MSH3: variants seen among roughly 807,000 people sequenced by gnomAD.
The protein encoded by MSH3 is DNA mismatch repair protein Msh3.
Under a neutral mutation model 123.3 loss-of-function variants are expected in MSH3, and 106 were observed. The ratio of observed to expected loss-of-function variants is 0.86; its 90% CI spans 0.73 to 1.01. MSH3 has a LOEUF of 1.01. Among genes scored for constraint, MSH3 ranks in the 50% least tolerant of loss-of-function variants. The probability of loss-of-function intolerance (pLI) is 0.00; values close to 1 mark genes in which losing one functional copy is unlikely to be tolerated. For synonymous variants in MSH3, 515 were observed against 481.4 expected, an observed-to-expected ratio of 1.07 and a Z score of -0.91; for missense variants, 1,459 against 1,347.6, an observed-to-expected ratio of 1.08 and a Z score of -1.29.
intron 21 of MSH3, among the ~76,000 whole-genome samples, chr5:80,857,958 T>C (rs1419953454): frequency 6.6e-6 from 1 of 152,132 alleles, no homozygotes; most frequent in Non-Finnish European, 1.5e-5. Context: ...TGTCCTAAGA[T>C]AGAAGCTTAG....
intron 3 of MSH3, among the ~76,000 whole-genome samples, chr5:80,668,607 G>A (rs10474634): frequency 0.11 from 16,605 of 152,266 alleles, 1,025 homozygotes; most frequent in African/African-American, 0.17. Context: ...CCTTAACTTT[G>A]AGATCAGAGT....
At position 80,728,877 on chromosome 5, in the gene MSH3, A is replaced by G. The variant is rs778563277; in HGVS notation, c.1480A>G (p.Asn494Asp). 2 of 1,606,942 alleles carry G rather than the reference A, an allele frequency of 1.2e-6. No homozygotes were observed. The highest frequency in any genetic ancestry group is 1.7e-6 in the Non-Finnish European group (2 of 1,173,986). The part of the protein sequence containing the change: ...KGSQIISGIV[N>D]LEKPVICSLA... Reference sequence around the variant, plus strand: ...TTCTCAAATTATTTCTGGCATTGTTAACTTAGAGAAGCCTGTGATTTGCTC... The same window carrying G: ...TTCTCAAATTATTTCTGGCATTGTTGACTTAGAGAAGCCTGTGATTTGCTC... The change falls in exon 10 of 24, where the codon AAC (asparagine) becomes GAC (aspartate). Residue 494 changes from asparagine (N) to aspartate (D), a missense_variant. By Grantham distance (23) the Asn-to-Asp change is conservative (BLOSUM62 1). Transcript: ENST00000265081.
intron 12 of MSH3, among the ~76,000 whole-genome samples, chr5:80,758,440 T>C (rs1433506152): frequency 6.6e-6 from 1 of 152,202 alleles, no homozygotes; most frequent in Non-Finnish European, 1.5e-5. Flanking sequence ...TTAGGGCTCA[T>C]TGCTCTTCTC....
chr5:80,813,798 T>C, intron 20 of MSH3, 57 bp downstream of exon 20: 1 of 1,578,362 alleles, frequency 6.3e-7, no homozygotes, highest in Non-Finnish European at 8.7e-7. Context: ...GCCCACATTA[T>C]CGCATGAATT....
intron 9 of MSH3, among the ~76,000 whole-genome samples, chr5:80,727,980 ATATCT>A (rs1561457514): frequency 6.6e-6 from 1 of 152,132 alleles, no homozygotes; most frequent in Non-Finnish European, 1.5e-5. Context: ...TAAGTACAAA[ATATCT>A]TAAGTAGGAG....
chr5:80,701,510 C>G (rs1347144101), intron 8 of MSH3, among the ~76,000 whole-genome samples: 2 of 152,208 alleles, frequency 1.3e-5, no homozygotes, highest in Non-Finnish European at 2.9e-5. Flanking sequence ...AAAAATCCCC[C>G]TTCACTGAAC....
At chr5:80,710,793 G>T (rs1561451862) in intron 8 of MSH3, among the ~76,000 whole-genome samples, 1 of 152,170 alleles carries the variant, frequency 6.6e-6, no homozygotes, top group Non-Finnish European at 1.5e-5. Context: ...CCTTAGAAAA[G>T]ATTTCTAGGA....
At chr5:80,719,472 T>G (rs1395699754) in intron 8 of MSH3, among the ~76,000 whole-genome samples, 2 of 152,194 alleles carry the variant, frequency 1.3e-5, no homozygotes, top group Non-Finnish European at 2.9e-5. Context: ...AGTTTTTATT[T>G]AACTTTTTCA....
chr5:80,864,742 A>T (rs867509145), intron 21 of MSH3, 71 bp from the exon 22 acceptor site: 20 of 1,405,302 alleles, frequency 1.4e-5, no homozygotes, highest in South Asian at 3.8e-5. Flanking sequence ...TTCAAAAGAA[A>T]GTGGAAGACA....
chr5:80,838,125 A>G (rs769626111), intron 20 of MSH3, among the ~76,000 whole-genome samples: 2 of 152,222 alleles, frequency 1.3e-5, no homozygotes, highest in Non-Finnish European at 2.9e-5. Context: ...CACCTTTGCC[A>G]TAGTCTGATG....
intron 22 of MSH3, among the ~76,000 whole-genome samples, chr5:80,866,023 C>T (rs1454372143): frequency 6.6e-6 from 1 of 152,260 alleles, no homozygotes; most frequent in Admixed American, 6.5e-5. Context: ...GAATAGAGTT[C>T]ACCAACAGGG....
At chr5:80,681,421 G>A (rs1410673657) in intron 8 of MSH3, among the ~76,000 whole-genome samples, 1 of 151,744 alleles carries the variant, frequency 6.6e-6, no homozygotes, top group African/African-American at 2.4e-5. Context: ...CTCTGATCCA[G>A]TTAATTCCAT....
intron 21 of MSH3, among the ~76,000 whole-genome samples, chr5:80,863,004 G>T (rs969168120): frequency 6.6e-6 from 1 of 152,136 alleles, no homozygotes; most frequent in African/African-American, 2.4e-5. Flanking sequence ...ATATCTCAAA[G>T]TGTCATGCCA....
intron 8 of MSH3, among the ~76,000 whole-genome samples, chr5:80,719,591 C>T (rs918568241): frequency 2.6e-5 from 4 of 152,190 alleles, no homozygotes; most frequent in Non-Finnish European, 5.9e-5. Flanking sequence ...CTTTATCCCA[C>T]ATTACTGAAT....
Position 80,773,931 on chromosome 5 carries a change from C to A in MSH3, c.2254-1763C>A, listed in dbSNP as rs562355757. ...TACAAGTGCCTGCCACCACGCCTGGCTAATTTTTGTATTATTAGTAGAGAT... is the reference window on the plus strand; with the variant it reads ...TACAAGTGCCTGCCACCACGCCTGGATAATTTTTGTATTATTAGTAGAGAT... On this transcript the variant is annotated intron_variant, in intron 15 of 23. Transcript: ENST00000265081. 1.2e-3 allele frequency among the ~76,000 whole-genome samples: 181 copies of A among 152,230 alleles called. 1 individual carries two copies. The highest frequency in any genetic ancestry group is 2.1e-3 in the Non-Finnish European group (140 of 68,004).
chr5:80,654,961 C>T lies in MSH3; in HGVS notation c.234C>T (p.His78=), dbSNP rs1416322705. ...CCTTCCCGCCCCAGCTGCCGCCGCA[C>T]ATAGTAGGTTCTGTCTGGGACTGGG... ...APAFPPQLPP[H]IATEIDRRKK... Residue 78 remains histidine (H), a synonymous_variant, in exon 1 of 24, where the codon CAC becomes CAT. Coordinates refer to ENST00000265081, the MANE Select transcript of MSH3 (RefSeq NM_002439.5). The T allele has an allele frequency of 1.4e-6, 2 of 1,475,248 alleles. No homozygotes were observed. Among genetic ancestry groups the T allele is most frequent in the Non-Finnish European group, 1.8e-6 (2 of 1,113,654 alleles). 91.4% of individuals were successfully genotyped at this position (1,475,248 alleles called of 1,614,324 possible). A position where few individuals can be genotyped will look rare whatever the true frequency, so the allele number is the denominator to read the frequency against.
chr5:80,819,464 GTGTA>G (rs1230149164), intron 20 of MSH3, among the ~76,000 whole-genome samples: 3 of 146,082 alleles, frequency 2.1e-5, no homozygotes, highest in African/African-American at 2.6e-5. Flanking sequence ...GTGTGTGTGT[GTGTA>G]TATATATATA....
intron 8 of MSH3, among the ~76,000 whole-genome samples, chr5:80,679,971 G>A (rs865947563): frequency 5.9e-5 from 9 of 152,168 alleles, no homozygotes; most frequent in Middle Eastern, 3.4e-3. Flanking sequence ...AAATCATTTA[G>A]AAAATCGAGG....
intron 11 of MSH3, among the ~76,000 whole-genome samples, chr5:80,742,052 C>G (rs1445935423): frequency 6.6e-6 from 1 of 151,040 alleles, no homozygotes; most frequent in Non-Finnish European, 1.5e-5. Context: ...GTTGCCCAGG[C>G]TGGGTTGAGT....
Sources: gnomAD v4.1 joint callset for allele counts (sites outside exome capture counted in the v4.1 genomes callset) on GRCh38, gnomAD v4.1.1 for gene constraint, MANE v1.5 for transcripts, NCBI Gene and HGNC (gene_info 2026-07-23, HGNC 2026-07-21) for gene names.